The following PCDH11X variants were observed in gnomAD, a reference collection of about 807,000 sequenced individuals.
PCDH11X encodes the protein protocadherin 11 X-linked.
Under a neutral mutation model 53.3 loss-of-function variants are expected in PCDH11X, and 18 were observed. That is an observed-to-expected ratio of 0.34 (90% CI 0.23 to 0.50). The LOEUF is 0.50. Ranked by LOEUF, PCDH11X falls within the 20% of genes least tolerant of loss-of-function variation. The pLI, the probability that PCDH11X is intolerant of heterozygous loss-of-function variation, is 0.98. For synonymous variants in PCDH11X, 279 were observed against 393.3 expected (o/e 0.71, Z 3.44); for missense variants, 570 against 1,032.4 (o/e 0.55, Z 6.14).
intron 9 of PCDH11X, among the ~76,000 whole-genome samples, chrX:92,431,077 A>G (rs2072240931): frequency 9.0e-6 from 1 of 111,326 alleles, no homozygotes; most frequent in Non-Finnish European, 1.9e-5. Flanking sequence ...AAGAAAGCTT[A>G]CCTCAACTTT....
chrX:92,615,241 C>T (rs975492638), intron 10 of PCDH11X, among the ~76,000 whole-genome samples: 5 of 110,286 alleles, frequency 4.5e-5, no homozygotes, highest in South Asian at 3.9e-4. Flanking sequence ...GTATTGAGTG[C>T]GAAGTGCCTG....
At chrX:91,868,209 A>G (rs750372593) in intron 5 of PCDH11X, among the ~76,000 whole-genome samples, 1 of 112,313 alleles carries the variant, frequency 8.9e-6, no homozygotes, top group South Asian at 3.7e-4. Context: ...TGCCAATTTG[A>G]AAGTATTTAC....
rs188203505 is a variant in PCDH11X, at chrX:92,166,005, T to C, written c.3034-35370T>C. On this transcript the variant is annotated intron_variant, in intron 6 of 10. Transcript: ENST00000682573. ...AGCCGAAGGGTATTTTTAGTGAGCA[T>C]ATTGATAGGGATTGTGAATGACATT... Among the ~76,000 whole-genome samples the C allele has an allele frequency of 6.6e-3, 733 of 111,510 alleles. 3 individuals are homozygous for C. Among genetic ancestry groups the C allele is most frequent in the African/African-American group, 0.023 (702 of 30,768 alleles).
At chrX:91,893,526 C>A (rs1005870575) in intron 6 of PCDH11X, among the ~76,000 whole-genome samples, 3 of 109,398 alleles carry the variant, frequency 2.7e-5, no homozygotes, top group South Asian at 8.0e-4. Flanking sequence ...AAAAGACATT[C>A]TTGTCTTCAA....
intron 6 of PCDH11X, among the ~76,000 whole-genome samples, chrX:91,957,572 C>T (rs1034875380): frequency 1.9e-5 from 2 of 105,185 alleles, no homozygotes; most frequent in Non-Finnish European, 4.0e-5. Context: ...GCCTCAGTTT[C>T]TCCCATACCT....
chrX:92,481,331 C>T (rs2073501458), intron 10 of PCDH11X, among the ~76,000 whole-genome samples: 1 of 110,289 alleles, frequency 9.1e-6, no homozygotes, highest in South Asian at 3.9e-4. Flanking sequence ...CACACACACA[C>T]ACCGAGGGGA....
intron 10 of PCDH11X, among the ~76,000 whole-genome samples, chrX:92,574,041 A>G (rs1169553536): frequency 9.5e-6 from 1 of 104,807 alleles, no homozygotes; most frequent in Admixed American, 1.1e-4. Flanking sequence ...CAGTGCAACC[A>G]TTACCAACTT....
chrX:91,928,342 A>G (rs1942016492), intron 6 of PCDH11X, among the ~76,000 whole-genome samples: 1 of 109,468 alleles, frequency 9.1e-6, no homozygotes, highest in African/African-American at 3.3e-5. Flanking sequence ...AGTCATATAT[A>G]TTATATAATG....
chrX:92,007,190 T>G (rs970612876), intron 6 of PCDH11X, among the ~76,000 whole-genome samples: 9 of 111,965 alleles, frequency 8.0e-5, no homozygotes, highest in African/African-American at 2.6e-4. Flanking sequence ...GCTCTTCCCT[T>G]CATGGCAGTG....
intron 1 of PCDH11X, among the ~76,000 whole-genome samples, chrX:91,790,534 TATTAGTACACAC>T (rs1935497265): frequency 8.9e-6 from 1 of 112,347 alleles, no homozygotes; most frequent in African/African-American, 3.2e-5. Flanking sequence ...TTTATTTTCT[TATTAGTACACAC>T]ATTTTGCAGA....
intron 6 of PCDH11X, among the ~76,000 whole-genome samples, chrX:92,156,985 G>A (rs939981300): frequency 1.8e-5 from 2 of 111,774 alleles, no homozygotes; most frequent in African/African-American, 6.5e-5. Context: ...TAAGGCAGGA[G>A]GTTTATGTAG....
chrX:92,400,559 T>C (rs1414420004), intron 9 of PCDH11X, among the ~76,000 whole-genome samples: 2 of 110,775 alleles, frequency 1.8e-5, no homozygotes, highest in Admixed American at 9.7e-5. Context: ...AAAGTTCTCA[T>C]AGTTTTGGGA....
At chrX:92,158,571 G>A (rs1335230565) in intron 6 of PCDH11X, among the ~76,000 whole-genome samples, 7 of 111,850 alleles carry the variant, frequency 6.3e-5, no homozygotes, top group Non-Finnish European at 1.3e-4. Context: ...TACTTTATTT[G>A]TCTTTGTATT....
chrX:92,129,608 G>A (rs1022903303), intron 6 of PCDH11X, among the ~76,000 whole-genome samples: 2 of 111,923 alleles, frequency 1.8e-5, no homozygotes, highest in African/African-American at 6.5e-5. Flanking sequence ...AGGAAAGGTG[G>A]AATGTTGTAG....
At position 92,521,391 on chromosome X, in the gene PCDH11X, T is replaced by C. The variant is rs1209132871; in HGVS notation, c.3367+53069T>C. ...ACATTGGCAATGAGCAGTAATATGT[T>C]GAAAGGAATCTTTTTTTCTCAGCCG... On this transcript the variant is annotated intron_variant, in intron 10 of 10. Transcript: ENST00000682573. Among the ~76,000 whole-genome samples the C allele has an allele frequency of 6.3e-5, 7 of 111,459 alleles. No homozygotes were observed. In the Admixed American group the frequency reaches 6.7e-4, roughly 11 times the overall value.
chrX:92,074,284 C>T (rs1182596629), intron 6 of PCDH11X, among the ~76,000 whole-genome samples: 1 of 110,981 alleles, frequency 9.0e-6, no homozygotes, highest in Non-Finnish European at 1.9e-5. Context: ...AGTACAAAAA[C>T]GATGGCAGTT....
At chrX:92,142,397 C>CAT (rs2065198391) in intron 6 of PCDH11X, among the ~76,000 whole-genome samples, 1 of 106,542 alleles carries the variant, frequency 9.4e-6, no homozygotes, top group South Asian at 4.1e-4. Context: ...CACACACACA[C>CAT]ACATCTACAC....
rs549458257 is a variant in PCDH11X at position 91,885,408 on chromosome X, G to A, written c.3033+6135G>A. ...GCAGGTAGCAAGATATACCTAGAGTGGAGGTTTCCAAAATCTACAGTCTCA... is the reference window on the plus strand; with the variant it reads ...GCAGGTAGCAAGATATACCTAGAGTAGAGGTTTCCAAAATCTACAGTCTCA... On this transcript the variant is annotated intron_variant, in intron 6 of 10. Transcript: ENST00000682573. Among the ~76,000 whole-genome samples the A allele has an allele frequency of 1.2e-3, 134 of 111,091 alleles. 3 individuals are homozygous for A. The South Asian group carries it at 0.05, about 42-fold the overall frequency.
chrX:92,274,128 C>T (rs1434601011), intron 8 of PCDH11X, among the ~76,000 whole-genome samples: 1 of 100,743 alleles, frequency 9.9e-6, no homozygotes, highest in Admixed American at 1.1e-4. Context: ...GAGACTGGGG[C>T]CTAATAAAAA....
Sources: gnomAD v4.1 joint callset for allele counts (sites outside exome capture counted in the v4.1 genomes callset) on GRCh38, gnomAD v4.1.1 for gene constraint, MANE v1.5 for transcripts, NCBI Gene and HGNC (gene_info 2026-07-23, HGNC 2026-07-21) for gene names.